CCDC149: variants seen among roughly 807,000 people sequenced by gnomAD.
The protein encoded by CCDC149 is coiled-coil domain containing 149, also known as coiled-coil domain-containing protein 149.
CCDC149 carries 45 observed loss-of-function variants against 59.9 expected under a neutral mutation model. That is an observed-to-expected ratio of 0.75 (90% CI 0.59 to 0.96). The LOEUF (loss-of-function observed/expected upper bound fraction) is 0.96, where lower values mean the gene tolerates loss of function less well. Ranked by LOEUF, CCDC149 falls within the 40% of genes least tolerant of loss-of-function variation. The pLI is 0.00. For synonymous variants in CCDC149, 245 were observed against 260.6 expected, an observed-to-expected ratio of 0.94 and a Z score of 0.58; for missense variants, 584 against 664.7, an observed-to-expected ratio of 0.88 and a Z score of 1.33.
chr4:24,889,085 TG>T (rs34458887), intron 1 of CCDC149, among the ~76,000 whole-genome samples: 2 of 152,256 alleles, frequency 1.3e-5, no homozygotes, highest in Non-Finnish European at 2.9e-5. Flanking sequence ...CTACAGTAGC[TG>T]GGGGGTATGT....
At chr4:24,852,342 T>C (rs1226848997) in intron 4 of CCDC149, among the ~76,000 whole-genome samples, 1 of 149,748 alleles carries the variant, frequency 6.7e-6, no homozygotes, top group African/African-American at 2.5e-5. Flanking sequence ...TATAGTCTTC[T>C]TGAGTCCACT....
intron 1 of CCDC149, among the ~76,000 whole-genome samples, chr4:24,899,906 G>A (rs924031524): frequency 6.6e-6 from 1 of 152,150 alleles, no homozygotes; most frequent in African/African-American, 2.4e-5. Flanking sequence ...CAGATGATCT[G>A]AGATTTCCCC....
chr4:24,822,552 A>G lies in CCDC149; in HGVS notation c.987T>C (p.Ala329=). Residue 329 remains alanine, a synonymous_variant, in exon 10 of 13, where the codon GCT becomes GCC. Transcript: ENST00000635206. ...GAGTTCTTAATTTTTTTTCCAGCTC[A>G]GCCACCCGATTCCCTAGGATTCTGA... The G allele has an allele frequency of 6.5e-7, 1 of 1,535,240 alleles. No homozygotes were observed. The highest frequency in any genetic ancestry group is 8.8e-7 in the Non-Finnish European group (1 of 1,139,866).
At chr4:24,968,550 G>A (rs777716615) in intron 1 of CCDC149, among the ~76,000 whole-genome samples, 5 of 152,218 alleles carry the variant, frequency 3.3e-5, no homozygotes, top group East Asian at 3.9e-4. Flanking sequence ...CATGGGGCCC[G>A]AGGCACCCCT....
chr4:24,866,493 T>C (rs1718700480), intron 3 of CCDC149, among the ~76,000 whole-genome samples: 1 of 152,114 alleles, frequency 6.6e-6, no homozygotes, highest in Non-Finnish European at 1.5e-5. Flanking sequence ...GAAAAATATT[T>C]AAAGGGTCAT....
chr4:24,932,182 G>A (rs141965307), intron 1 of CCDC149, among the ~76,000 whole-genome samples: 3 of 152,146 alleles, frequency 2.0e-5, no homozygotes, highest in African/African-American at 7.2e-5. Context: ...ATTTGTTTCT[G>A]TATTTGTCAT....
intron 3 of CCDC149, among the ~76,000 whole-genome samples, chr4:24,871,639 A>T (rs940870536): frequency 2.6e-5 from 4 of 152,296 alleles, no homozygotes; most frequent in Middle Eastern, 3.4e-3. Context: ...TCTCATAAAT[A>T]CATGTATAAG....
chr4:24,951,173 T>C (rs1232009474), intron 1 of CCDC149, among the ~76,000 whole-genome samples: 2 of 152,170 alleles, frequency 1.3e-5, no homozygotes, highest in Non-Finnish European at 2.9e-5. Context: ...AAGTGACAGA[T>C]CCCATGCATG....
intron 11 of CCDC149, among the ~76,000 whole-genome samples, 160 bp downstream of exon 11, chr4:24,820,895 A>G (rs1046423611): frequency 6.6e-6 from 1 of 152,170 alleles, no homozygotes; most frequent in Non-Finnish European, 1.5e-5. Flanking sequence ...ATCCTTTAAT[A>G]TTTGTTTTGT....
Position 24,836,455 on chromosome 4 carries a change from G to T in CCDC149, c.716C>A (p.Ser239Ter). The stretch of plus-strand genomic sequence containing the variant: ...TGCTACCTTGTATTTGGCAATGTTT[G>T]ATTTCAAGAGGTTGACCTCTTCATG... Residue 239 changes from serine (S) to a stop codon, truncating the protein, a stop_gained, in exon 7 of 13, where the codon TCA becomes TAA. Coordinates refer to ENST00000635206, the MANE Select transcript of CCDC149 (RefSeq NM_001330643.2). LOFTEE classifies it high-confidence loss of function. The T allele has an allele frequency of 6.2e-7, 1 of 1,611,554 alleles. No homozygotes were observed. Among genetic ancestry groups the T allele is most frequent in the South Asian group, 1.1e-5 (1 of 90,906 alleles).
intron 1 of CCDC149, among the ~76,000 whole-genome samples, chr4:24,890,539 T>C (rs1241926473): frequency 6.6e-6 from 1 of 152,220 alleles, no homozygotes; most frequent in Non-Finnish European, 1.5e-5. Context: ...ATTATCACAG[T>C]AATCAAAAGA....
At chr4:24,913,899 C>T (rs1722038715), upstream of CCDC149, among the ~76,000 whole-genome samples, 1 of 152,212 alleles carries the variant, frequency 6.6e-6, no homozygotes. Context: ...ATAAGTCAAT[C>T]GTATTCAAGG....
intron 3 of CCDC149, among the ~76,000 whole-genome samples, chr4:24,857,089 G>C (rs541506618): frequency 2.2e-4 from 33 of 152,216 alleles, no homozygotes; most frequent in Non-Finnish European, 3.5e-4. Context: ...CGTAAAAAAA[G>C]ACAAGGGAAA....
intron 8 of CCDC149, among the ~76,000 whole-genome samples, chr4:24,832,377 A>G (rs1716216467): frequency 6.6e-6 from 1 of 152,220 alleles, no homozygotes; most frequent in Admixed American, 6.5e-5. Flanking sequence ...CAAATATCTA[A>G]ATATTGGGAA....
At chr4:24,899,401 TG>T (rs1721032607) in intron 1 of CCDC149, among the ~76,000 whole-genome samples, 1 of 152,084 alleles carries the variant, frequency 6.6e-6, no homozygotes, top group African/African-American at 2.4e-5. Context: ...GTTTAGTTCC[TG>T]GGGACATGGC....
At chr4:24,859,556 T>G (rs116098950) in intron 3 of CCDC149, among the ~76,000 whole-genome samples, 2,877 of 152,230 alleles carry the variant, frequency 0.019, 101 homozygotes, top group African/African-American at 0.065. Context: ...ATACTCACTT[T>G]CACCACTTCT....
chr4:24,884,548 T>A (rs942761466), intron 1 of CCDC149, among the ~76,000 whole-genome samples: 2 of 152,138 alleles, frequency 1.3e-5, no homozygotes, highest in African/African-American at 4.8e-5. Context: ...TACAGTACAC[T>A]AAACACTTTA....
chr4:24,858,678 G>T (rs543204823), intron 3 of CCDC149, among the ~76,000 whole-genome samples: 1 of 152,316 alleles, frequency 6.6e-6, no homozygotes, highest in African/African-American at 2.4e-5. Flanking sequence ...AATTATAAAT[G>T]ATGCCTGCAG....
chr4:24,962,006 C>T (rs1007189356), intron 1 of CCDC149, among the ~76,000 whole-genome samples: 1 of 151,148 alleles, frequency 6.6e-6, no homozygotes, highest in Non-Finnish European at 1.5e-5. Flanking sequence ...AAGAAACCAC[C>T]ATCAGAGTGA....
Sources: allele counts gnomAD v4.1 joint callset (sites outside exome capture counted in the v4.1 genomes callset), GRCh38; gene constraint gnomAD v4.1.1; transcripts MANE v1.5; gene names NCBI Gene and HGNC (gene_info 2026-07-23, HGNC 2026-07-21).